ME3: variants seen among roughly 807,000 people sequenced by gnomAD.
ME3 encodes malic enzyme 3.
ME3 carries 48 observed loss-of-function variants against 68.9 expected under a neutral mutation model. The observed-to-expected ratio is 0.70, with a 90% CI of 0.55 to 0.89. ME3 has a LOEUF of 0.89. Ranked by LOEUF, ME3 falls within the 40% of genes least tolerant of loss-of-function variation. The probability of loss-of-function intolerance (pLI) is 0.00; values close to 1 mark genes in which losing one functional copy is unlikely to be tolerated. For missense variants in ME3, 675 were observed against 797.4 expected (o/e 0.85, Z 1.85); for synonymous variants, 320 against 318.8 (o/e 1.00, Z -0.04).
intron 2 of ME3, among the ~76,000 whole-genome samples, chr11:86,608,461 G>A (rs1942315118): frequency 6.6e-6 from 1 of 152,192 alleles, no homozygotes; most frequent in Admixed American, 6.5e-5. Context: ...ATTTTTCTCT[G>A]AGGATGCACT....
At chr11:86,661,383 A>C (rs1370354719) in intron 2 of ME3, among the ~76,000 whole-genome samples, 1 of 152,262 alleles carries the variant, frequency 6.6e-6, no homozygotes, top group African/African-American at 2.4e-5. Context: ...GCATTGTGCA[A>C]CACAAAAGTG....
At chr11:86,539,116 T>A (rs1017765229) in intron 4 of ME3, among the ~76,000 whole-genome samples, 2 of 152,108 alleles carry the variant, frequency 1.3e-5, no homozygotes, top group Admixed American at 1.3e-4. Flanking sequence ...CTGAAAAAAT[T>A]GGGGTTGTTA....
intron 4 of ME3, among the ~76,000 whole-genome samples, chr11:86,543,453 G>T (rs999395143): frequency 2.6e-5 from 4 of 152,172 alleles, no homozygotes; most frequent in Non-Finnish European, 4.4e-5. Context: ...TAAAGGGATG[G>T]AGGAAGATTT....
At chr11:86,648,486 T>G (rs1321099380) in intron 2 of ME3, among the ~76,000 whole-genome samples, 1 of 144,126 alleles carries the variant, frequency 6.9e-6, no homozygotes, top group African/African-American at 2.6e-5. Flanking sequence ...AGAACAGAAC[T>G]GAAGGAGATA....
intron 5 of ME3, among the ~76,000 whole-genome samples, chr11:86,500,133 C>T (rs1952621121): frequency 6.6e-6 from 1 of 152,120 alleles, no homozygotes; most frequent in Non-Finnish European, 1.5e-5. Context: ...AGAGACTATG[C>T]CCTCATGCTG....
intron 2 of ME3, among the ~76,000 whole-genome samples, chr11:86,603,760 C>T (rs1254239267): frequency 2.6e-5 from 4 of 151,860 alleles, no homozygotes; most frequent in South Asian, 2.1e-4. Context: ...GAATACTATG[C>T]AGCCATAAAA....
At chr11:86,440,296 C>G (rs1310712506), downstream of ME3, among the ~76,000 whole-genome samples, 2 of 152,158 alleles carry the variant, frequency 1.3e-5, no homozygotes, top group Non-Finnish European at 2.9e-5. Flanking sequence ...CTCTCCTGCC[C>G]CCACCCCTAT....
At chr11:86,593,164 G>C (rs1015430190) in intron 2 of ME3, among the ~76,000 whole-genome samples, 1 of 152,146 alleles carries the variant, frequency 6.6e-6, no homozygotes, top group African/African-American at 2.4e-5. Context: ...CCTGACAAAT[G>C]AATGTGGAAG....
intron 2 of ME3, among the ~76,000 whole-genome samples, chr11:86,633,118 G>T (rs1331650870): frequency 1.3e-5 from 2 of 152,170 alleles, no homozygotes; most frequent in African/African-American, 4.8e-5. Context: ...GCCAGGCTGA[G>T]GATTTGGTTG....
At chr11:86,645,424 C>A (rs1944939830) in intron 2 of ME3, among the ~76,000 whole-genome samples, 1 of 152,148 alleles carries the variant, frequency 6.6e-6, no homozygotes, top group African/African-American at 2.4e-5. Flanking sequence ...GTTTTCCCCT[C>A]ACAGTGTAAA....
chr11:86,446,755 G>T, intron 12 of ME3: 1 of 594,926 alleles, frequency 1.7e-6, no homozygotes, highest in South Asian at 2.2e-5. Context: ...GCCAACCCAG[G>T]ACATGACAGG....
At chr11:86,574,399 G>GGGC (rs370416740) in intron 2 of ME3, among the ~76,000 whole-genome samples, 7 of 78,452 alleles carry the variant, frequency 8.9e-5, no homozygotes, top group African/African-American at 4.4e-4. Context: ...TTTGTTGCCG[G>GGGC]GGGGGGGGGG....
chr11:86,448,225 TCTC>T (rs752954595), exon 11 of ME3: 1 of 1,614,050 alleles, frequency 6.2e-7, no homozygotes, highest in East Asian at 2.2e-5. Context: ...TGGGCAAACA[TCTC>T]CTTTTCATGG....
chr11:86,487,410 G>A (rs1025921049), exon 7 of ME3: 9 of 1,613,978 alleles, frequency 5.6e-6, no homozygotes, highest in Non-Finnish European at 6.8e-6. Context: ...TGGTGTTTCA[G>A]GCCGATGTAC....
At position 86,560,748 on chromosome 11, in the gene ME3, G is replaced by GTGTATGTGTATA. The variant is rs1243025217; in HGVS notation, c.184-926_184-925insTATACACATACA. ...TGTATGTGTGTGTGTGTGTGTGTGT[G>GTGTATGTGTATA]TATATATATATATATATATATATAT... On this transcript the variant is annotated intron_variant, in intron 2 of 14. Transcript: ENST00000543262. 5.8e-4 allele frequency among the ~76,000 whole-genome samples: 36 copies of GTGTATGTGTATA among 62,526 alleles called. 2 individuals carry two copies. The highest frequency in any genetic ancestry group is 3.4e-3 in the East Asian group (5 of 1,492). 41.0% of individuals were successfully genotyped at this position (62,526 alleles called of 152,430 possible).
intron 8 of ME3, among the ~76,000 whole-genome samples, chr11:86,461,058 A>T (rs1950202255): frequency 1.3e-5 from 2 of 152,208 alleles, no homozygotes; most frequent in South Asian, 4.1e-4. Context: ...GATGCCAGGG[A>T]GCAGTGACAC....
In ME3 at chr11:86,494,705, G is replaced by A. The variant is rs978263996; in HGVS notation, c.705+3258C>T. 4.7e-5 allele frequency among the ~76,000 whole-genome samples: 7 copies of A among 148,086 alleles called. No homozygotes were observed. The East Asian group carries it at 5.8e-4, about 12-fold the overall frequency. On this transcript the variant is annotated intron_variant, in intron 6 of 14. Coordinates refer to ENST00000543262, the Ensembl canonical transcript of ME3. ...GACGCTTTGAGTAGATGTGACACGC[G>A]ACTCATTAAAGTGACCAATTAGGTG...
chr11:86,641,578 C>T (rs541634184), intron 2 of ME3, among the ~76,000 whole-genome samples: 1 of 152,304 alleles, frequency 6.6e-6, no homozygotes, highest in South Asian at 2.1e-4. Flanking sequence ...TTAAAGAAAA[C>T]CACTATAGTT....
At chr11:86,663,417 C>T (rs948489243) in intron 2 of ME3, among the ~76,000 whole-genome samples, 2 of 152,152 alleles carry the variant, frequency 1.3e-5, no homozygotes, top group Admixed American at 6.5e-5. Context: ...TGCTTTTAAC[C>T]ACTGACCTCG....
Sources: allele counts gnomAD v4.1 joint callset (sites outside exome capture counted in the v4.1 genomes callset), GRCh38; gene constraint gnomAD v4.1.1; transcripts MANE v1.5; gene names NCBI Gene and HGNC (gene_info 2026-07-23, HGNC 2026-07-21).